CES4A: variants seen among roughly 807,000 people sequenced by gnomAD.
CES4A encodes carboxylesterase 6.
A neutral mutation model predicts 65.4 loss-of-function variants in CES4A; 48 were observed. That is an observed-to-expected ratio of 0.73 (90% CI 0.58 to 0.93). The LOEUF (loss-of-function observed/expected upper bound fraction) is 0.93. Ranked by LOEUF, CES4A falls within the 40% of genes least tolerant of loss-of-function variation. The pLI, the probability that CES4A is intolerant of heterozygous loss-of-function variation, is 0.00. For synonymous variants in CES4A, 247 were observed against 281.8 expected (o/e 0.88, Z 1.24); for missense variants, 685 against 728.5 (o/e 0.94, Z 0.69).
intron 1 of CES4A, among the ~76,000 whole-genome samples, chr16:66,993,389 C>T (rs1173478421): frequency 1.4e-4 from 22 of 152,196 alleles, no homozygotes; most frequent in Admixed American, 1.4e-3. Context: ...GTCACCCAGG[C>T]TGGAGTGCAG....
At chr16:66,989,393 C>T (rs74703878) in intron 1 of CES4A, among the ~76,000 whole-genome samples, 8 of 151,260 alleles carry the variant, frequency 5.3e-5, no homozygotes, top group Admixed American at 4.0e-4. Context: ...TCCAGATCAA[C>T]ATCTAGAACA....
intron 2 of CES4A, among the ~76,000 whole-genome samples, chr16:66,999,413 A>G (rs1965109058): frequency 6.6e-6 from 1 of 152,260 alleles, no homozygotes; most frequent in Non-Finnish European, 1.5e-5. Context: ...GCCAGTACTC[A>G]GATGAATCTA....
At chr16:67,005,391 G>A (rs202172028) in exon 11 of CES4A, 29 of 1,613,466 alleles carry the variant, frequency 1.8e-5, no homozygotes, top group South Asian at 2.2e-5. Context: ...CACTACCACC[G>A]AGGTATGCAG....
intron 13 of CES4A, 50 bp from the exon 14 acceptor site, chr16:67,008,924 G>T: frequency 6.4e-7 from 1 of 1,565,312 alleles, no homozygotes. Context: ...AAAGAAAGAA[G>T]CAGGATGAAA....
intron 1 of CES4A, among the ~76,000 whole-genome samples, chr16:66,993,674 G>T (rs950894470): frequency 2.0e-5 from 3 of 152,144 alleles, no homozygotes; most frequent in African/African-American, 7.2e-5. Context: ...TAGATGAGCT[G>T]TGCTCACATG....
chr16:67,002,927 C>T (rs1216847064), intron 5 of CES4A, 143 bp from the exon 6 acceptor site: 2 of 695,180 alleles, frequency 2.9e-6, no homozygotes, highest in Non-Finnish European at 5.2e-6. Context: ...TAGGACATCA[C>T]CCCAGGACTC....
intron 1 of CES4A, 57 bp downstream of exon 1, chr16:66,988,887 G>A: frequency 2.0e-6 from 3 of 1,519,560 alleles, no homozygotes; most frequent in South Asian, 1.3e-5. Context: ...AGGGATGGAG[G>A]GACAGGCCCC....
At position 67,000,601 on chromosome 16, in the gene CES4A, T is replaced by A. The variant is rs771443625; in HGVS notation, c.261-37T>A. Reference sequence around the variant, plus strand: ...CACTGCGGACCCTGGATTGAAACGATCTCCCCGCGGCCGCCGCCGCTACCT... The same window carrying A: ...CACTGCGGACCCTGGATTGAAACGAACTCCCCGCGGCCGCCGCCGCTACCT... On this transcript the variant is annotated intron_variant, in intron 2 of 13. Coordinates refer to ENST00000648724, the Ensembl canonical transcript of CES4A. The surrounding 1 kb of genome is among the most constrained non-coding windows in gnomAD (Gnocchi z 4.2). 2.0e-6 allele frequency: 3 copies of A among 1,523,268 alleles called. No individual in the cohort carries two copies. In the South Asian group the frequency reaches 3.6e-5, roughly 18 times the overall value. 94.4% of individuals were successfully genotyped at this position (1,523,268 alleles called of 1,614,324 possible).
chr16:66,988,756 C>T (rs1424197093), exon 1 of CES4A: 1 of 1,559,300 alleles, frequency 6.4e-7, no homozygotes, highest in Middle Eastern at 1.7e-4. Context: ...CTGCCCACAG[C>T]AGGAGCTGGC....
Position 67,009,134 on chromosome 16 carries a change from C to T in CES4A, c.1678C>T (p.Gln560Ter). The T allele has an allele frequency of 6.2e-7, 1 of 1,612,566 alleles. No homozygotes were observed. The highest frequency in any genetic ancestry group is 8.5e-7 in the Non-Finnish European group (1 of 1,179,532). The change falls in exon 14 of 14, where the codon CAA (glutamine) becomes TAA (stop). Residue 560 changes from glutamine to a stop codon, truncating the protein, a stop_gained. Coordinates refer to ENST00000648724, the Ensembl canonical transcript of CES4A. LOFTEE classifies it high-confidence loss of function. ...GTCTCAAAGACCTGAGAAGCAGAGG[C>T]AATTCTAAGGGTGGCTATGCAGGAA...
chr16:67,008,826 C>G (rs1965973555), intron 13 of CES4A, 148 bp from the exon 14 acceptor site: 9 of 782,428 alleles, frequency 1.2e-5, no homozygotes, highest in East Asian at 2.5e-5. Context: ...TACACACTTT[C>G]CTACTCTTTA....
rs1965196994 is a variant in CES4A, at chr16:67,000,470, G to A, written c.261-168G>A. 3.5e-6 allele frequency: 5 copies of A among 1,422,730 alleles called. No homozygotes were observed. The South Asian group carries it at 6.1e-5, about 17-fold the overall frequency. 88.1% of individuals were successfully genotyped at this position (1,422,730 alleles called of 1,614,324 possible). A position where few individuals can be genotyped will look rare whatever the true frequency, so the allele number is the denominator to read the frequency against. On this transcript the variant is annotated intron_variant, in intron 2 of 13. Transcript: ENST00000648724. This position sits in a 1 kb window ranked among gnomAD's most constrained non-coding sequence, Gnocchi z 4.2. ...AGGCCAACCTGCCTCCCAGTCCTGG[G>A]CCCCGGGGCTGGCGGAGGCCTCCTG...
Position 67,006,829 on chromosome 16 carries a change from C to T in CES4A, c.1517+12C>T. 1 of 1,613,490 alleles carries T rather than the reference C, an allele frequency of 6.2e-7. No individual in the cohort carries two copies. The highest frequency in any genetic ancestry group is 8.5e-7 in the Non-Finnish European group (1 of 1,179,544). On this transcript the variant is annotated intron_variant, in intron 13 of 13. Coordinates refer to ENST00000648724, the Ensembl canonical transcript of CES4A. ...TTTGCCCGCACAGGGTGAGTCTGCCCCCCAGCACATCTGGGCATTCTACCT... is the reference window on the plus strand; with the variant it reads ...TTTGCCCGCACAGGGTGAGTCTGCCTCCCAGCACATCTGGGCATTCTACCT...
rs557772346 is a variant in CES4A, at chr16:67,000,736, A to T, written c.359A>T (p.Asn120Ile). Residue 120 changes from asparagine to isoleucine, a missense_variant, in exon 3 of 14, where the codon AAC becomes ATC. By Grantham distance (149) the Asn-to-Ile change is moderately radical. Coordinates refer to ENST00000648724, the Ensembl canonical transcript of CES4A. The surrounding 1 kb of genome is among the most constrained non-coding windows in gnomAD (Gnocchi z 4.2). ...TTCAGCGAGGACTGTCTGTACCTGAACGTGTACGCGCCGGCGCGCGCGCCC... is the reference window on the plus strand; with the variant it reads ...TTCAGCGAGGACTGTCTGTACCTGATCGTGTACGCGCCGGCGCGCGCGCCC... 1.3e-6 allele frequency: 2 copies of T among 1,549,736 alleles called. No homozygotes were observed. The highest frequency in any genetic ancestry group is 1.7e-6 in the Non-Finnish European group (2 of 1,146,572).
rs374540341 is a variant in CES4A at position 67,000,786 on chromosome 16, G to T, written c.402+7G>T. 51 of 1,549,674 alleles carry T rather than the reference G, an allele frequency of 3.3e-5. No individual in the cohort carries two copies. The highest frequency in any genetic ancestry group is 1.7e-4 in the Middle Eastern group (1 of 5,794). On this transcript the variant is annotated splice_region_variant and intron_variant, in intron 3 of 13. Transcript: ENST00000648724. This position sits in a 1 kb window ranked among gnomAD's most constrained non-coding sequence, Gnocchi z 4.2. ...CGGGGATCCCCAGCTGCCAGTGAGT[G>T]CCAGGTCTCCCGCGCCCGCGGTCCC...
In CES4A at chr16:67,003,425, A is replaced by G; in HGVS notation, c.900+65A>G. ...GGGCCATCCTCCTATCCTGGTACCC[A>G]GCCACCCCCAACTACTTCCCCAGGG... On this transcript the variant is annotated intron_variant, in intron 7 of 13. Transcript: ENST00000648724. This position sits in a 1 kb window ranked among gnomAD's most constrained non-coding sequence, Gnocchi z 4.2. 1 of 1,591,570 alleles carries G rather than the reference A, an allele frequency of 6.3e-7. No individual in the cohort carries two copies. The highest frequency in any genetic ancestry group is 8.6e-7 in the Non-Finnish European group (1 of 1,159,746).
intron 1 of CES4A, among the ~76,000 whole-genome samples, chr16:66,995,126 A>G (rs1964728645): frequency 6.6e-6 from 1 of 152,014 alleles, no homozygotes. Flanking sequence ...CCTGGCTAGC[A>G]TGGTGAAACA....
intron 5 of CES4A, among the ~76,000 whole-genome samples, chr16:67,002,015 C>T (rs1323360041): frequency 6.6e-6 from 1 of 152,240 alleles, no homozygotes; most frequent in East Asian, 1.9e-4. Flanking sequence ...GTGTGCCAGG[C>T]ATTCTTCTAA....
At chr16:66,996,319 G>A (rs1964850412) in intron 2 of CES4A, 2 of 314,320 alleles carry the variant, frequency 6.4e-6, no homozygotes, top group Non-Finnish European at 6.1e-6. Flanking sequence ...ACAGGCATGA[G>A]CCACTGCGCC....
Sources: gnomAD v4.1 joint callset for allele counts (sites outside exome capture counted in the v4.1 genomes callset) on GRCh38, gnomAD v4.1.1 for gene constraint, Gnocchi (gnomAD v3.1) non-coding constraint, MANE v1.5 for transcripts, NCBI Gene and HGNC (gene_info 2026-07-23, HGNC 2026-07-21) for gene names.